The following FAM120B variants were observed in gnomAD, a reference collection of about 807,000 sequenced individuals.
The protein encoded by FAM120B is constitutive coactivator of peroxisome proliferator-activated receptor gamma.
Under a neutral mutation model 96.3 loss-of-function variants are expected in FAM120B, and 83 were observed. The ratio of observed to expected loss-of-function variants is 0.86; its 90% confidence interval spans 0.72 to 1.03. FAM120B has a LOEUF of 1.03. FAM120B is among the 50% of genes least tolerant of loss of function. The pLI is 0.00. For synonymous variants in FAM120B, 407 were observed against 402.7 expected, an observed-to-expected ratio of 1.01 and a Z score of -0.13; for missense variants, 1,027 against 1,121.2, an observed-to-expected ratio of 0.92 and a Z score of 1.20.
At chr6:170,373,961 A>G (rs1425007766) in intron 6 of FAM120B, among the ~76,000 whole-genome samples, 1 of 152,160 alleles carries the variant, frequency 6.6e-6, no homozygotes, top group Non-Finnish European at 1.5e-5. Flanking sequence ...CTGGCATGCC[A>G]GATCATTCCT....
At chr6:170,386,278 CAT>C (rs1364924184) in intron 6 of FAM120B, among the ~76,000 whole-genome samples, 4 of 152,122 alleles carry the variant, frequency 2.6e-5, no homozygotes, top group African/African-American at 2.4e-5. Context: ...GTTCTAAAAA[CAT>C]AAAGTCCTTT....
chr6:170,400,339 A>T (rs912047044), intron 9 of FAM120B, among the ~76,000 whole-genome samples: 1 of 152,090 alleles, frequency 6.6e-6, no homozygotes, highest in Non-Finnish European at 1.5e-5. Flanking sequence ...ATCATCAAGA[A>T]CATGCCCCAT....
At chr6:170,293,677 T>TTCC (rs953636316), upstream of FAM120B, among the ~76,000 whole-genome samples, 9 of 151,744 alleles carry the variant, frequency 5.9e-5, no homozygotes, top group Admixed American at 1.3e-4. Context: ...CCTTTTTCTT[T>TTCC]TCCTCCTCCT....
chr6:170,350,796 T>G (rs1336912003), intron 5 of FAM120B, among the ~76,000 whole-genome samples: 1 of 152,018 alleles, frequency 6.6e-6, no homozygotes, highest in Non-Finnish European at 1.5e-5. Context: ...GGGTTAGAGA[T>G]CTCAAAGATC....
At chr6:170,331,281 G>A (rs914944961) in intron 4 of FAM120B, among the ~76,000 whole-genome samples, 1 of 152,152 alleles carries the variant, frequency 6.6e-6, no homozygotes, top group Non-Finnish European at 1.5e-5. Context: ...TTGTTTCACC[G>A]AACAAATATT....
At chr6:170,387,185 T>G (rs1790233722) in intron 6 of FAM120B, among the ~76,000 whole-genome samples, 3 of 152,158 alleles carry the variant, frequency 2.0e-5, no homozygotes, top group Admixed American at 2.0e-4. Flanking sequence ...ACAGCACTAT[T>G]TTAGGGTATA....
At chr6:170,381,509 G>C (rs998797676) in intron 6 of FAM120B, among the ~76,000 whole-genome samples, 2 of 151,758 alleles carry the variant, frequency 1.3e-5, no homozygotes, top group Non-Finnish European at 2.9e-5. Context: ...CAAGAAGATA[G>C]ACCATTCCCC....
chr6:170,319,960 A>AT (rs1785179582), intron 2 of FAM120B, among the ~76,000 whole-genome samples: 3 of 152,192 alleles, frequency 2.0e-5, no homozygotes, highest in Non-Finnish European at 4.4e-5. Context: ...GCCTTTGAAG[A>AT]TTTTTGATGG....
intron 9 of FAM120B, among the ~76,000 whole-genome samples, chr6:170,402,313 C>T (rs1038252672): frequency 6.6e-6 from 1 of 152,210 alleles, no homozygotes; most frequent in African/African-American, 2.4e-5. Flanking sequence ...ATAGCATGCC[C>T]AGTAATTTGC....
intron 3 of FAM120B, among the ~76,000 whole-genome samples, chr6:170,325,765 C>A (rs1379002116): frequency 6.6e-6 from 1 of 150,808 alleles, no homozygotes; most frequent in Non-Finnish European, 1.5e-5. Flanking sequence ...TGCTTGAGCC[C>A]AGGAGACAGA....
chr6:170,366,875 G>C (rs773052647), intron 6 of FAM120B, among the ~76,000 whole-genome samples: 20 of 152,122 alleles, frequency 1.3e-4, no homozygotes, highest in African/African-American at 2.2e-4. Flanking sequence ...CCCAGCCTCG[G>C]ATAAGCTCAT....
At chr6:170,355,965 G>C (rs1176377881) in intron 5 of FAM120B, among the ~76,000 whole-genome samples, 7 of 152,156 alleles carry the variant, frequency 4.6e-5, no homozygotes, top group Non-Finnish European at 1.0e-4. Flanking sequence ...GAAGGCCATT[G>C]TCAGCCCCCC....
chr6:170,332,177 T>C (rs1417910976), intron 4 of FAM120B, among the ~76,000 whole-genome samples: 8 of 152,236 alleles, frequency 5.3e-5, no homozygotes, highest in African/African-American at 1.9e-4. Flanking sequence ...CTCTAGAAAT[T>C]GGATTTGAAT....
chr6:170,318,495 A>G lies in FAM120B; in HGVS notation c.1105A>G (p.Thr369Ala), dbSNP rs770776480. ...ATCCAGGCGAGAAGTTCCCGTGTAT[A>G]CAGATTCTGAACCCAGGCAAGAAGT... Reference protein sequence around the residue: ...PESRREVPVYTDSEPRQEVPM... With the variant: ...PESRREVPVYADSEPRQEVPM... The change falls in exon 2 of 11, where the codon ACA (threonine) becomes GCA (alanine). Residue 369 changes from threonine (T) to alanine (A), a missense_variant. This residue lies in a region of FAM120B where 880 missense variants were observed against 980.9 expected (regional missense o/e 0.90). Coordinates refer to ENST00000476287, the MANE Select transcript of FAM120B (RefSeq NM_032448.3). 10 of 1,584,170 alleles carry G rather than the reference A, an allele frequency of 6.3e-6. No homozygotes were observed. The highest frequency in any genetic ancestry group is 8.6e-6 in the Non-Finnish European group (10 of 1,163,230).
upstream of FAM120B, among the ~76,000 whole-genome samples, chr6:170,294,189 C>T (rs1465631104): frequency 1.3e-5 from 2 of 152,192 alleles, no homozygotes; most frequent in East Asian, 3.9e-4. This position sits in a 1 kb window ranked among gnomAD's most constrained non-coding sequence, Gnocchi z 7.9. Flanking sequence ...GCCCCGGCTG[C>T]CGGAGTCCCT....
At chr6:170,303,002 T>C (rs768124903), upstream of FAM120B, among the ~76,000 whole-genome samples, 19 of 152,242 alleles carry the variant, frequency 1.2e-4, no homozygotes, top group African/African-American at 4.1e-4. Flanking sequence ...TTTAGACAGA[T>C]TGGAATTTGA....
chr6:170,382,926 T>G (rs1789995818), intron 6 of FAM120B, among the ~76,000 whole-genome samples: 1 of 152,142 alleles, frequency 6.6e-6, no homozygotes, highest in Admixed American at 6.5e-5. Context: ...ATCAAGACAG[T>G]ATAGTGTTGG....
intron 1 of FAM120B, among the ~76,000 whole-genome samples, chr6:170,300,959 T>C (rs1289374854): frequency 6.6e-6 from 1 of 152,206 alleles, no homozygotes; most frequent in Non-Finnish European, 1.5e-5. Flanking sequence ...AGGTGCACTT[T>C]GCAAGCTGTT....
chr6:170,345,958 G>A (rs1787153181), intron 4 of FAM120B, among the ~76,000 whole-genome samples: 1 of 152,202 alleles, frequency 6.6e-6, no homozygotes, highest in Non-Finnish European at 1.5e-5. Flanking sequence ...TGTGGCCTGT[G>A]TCTCCCAGGC....
Sources: gnomAD v4.1 joint callset for allele counts (sites outside exome capture counted in the v4.1 genomes callset) on GRCh38, gnomAD v4.1.1 for gene constraint, gnomAD v4.1.1 regional missense constraint, Gnocchi (gnomAD v3.1) non-coding constraint, MANE v1.5 for transcripts, NCBI Gene and HGNC (gene_info 2026-07-23, HGNC 2026-07-21) for gene names.